The following ZCCHC4 variants were observed in gnomAD, a reference collection of about 807,000 sequenced individuals.
ZCCHC4 encodes the protein zinc finger CCHC-type containing 4, also known as rRNA N(6)-adenosine-methyltransferase ZCCHC4.
Under a neutral mutation model 67.7 loss-of-function variants are expected in ZCCHC4, and 54 were observed. That is an observed-to-expected ratio of 0.80 (90% CI 0.64 to 1.00). The LOEUF (loss-of-function observed/expected upper bound fraction) is 1.00, where lower values mean the gene tolerates loss of function less well. Among genes scored for constraint, ZCCHC4 ranks in the 50% least tolerant of loss-of-function variants. ZCCHC4 has a pLI of 0.00. For missense variants in ZCCHC4, 609 were observed against 617.0 expected (o/e 0.99, Z 0.14); for synonymous variants, 198 against 213.5 (o/e 0.93, Z 0.63).
chr4:25,360,808 T>C (rs1397332887), intron 8 of ZCCHC4, among the ~76,000 whole-genome samples: 2 of 152,160 alleles, frequency 1.3e-5, no homozygotes, highest in Non-Finnish European at 2.9e-5. Context: ...TGGGGGGGCA[T>C]GATACACAGA....
At chr4:25,349,850 A>G (rs772694044) in intron 7 of ZCCHC4, among the ~76,000 whole-genome samples, 22 of 152,102 alleles carry the variant, frequency 1.4e-4, no homozygotes, top group South Asian at 4.1e-4. Flanking sequence ...TTAATGGCTT[A>G]TAGGTAAAAT....
In ZCCHC4 at chr4:25,362,297, C is replaced by T. The variant is rs76141517; in HGVS notation, c.1205C>T (p.Ser402Phe). 1.3e-6 allele frequency: 2 copies of T among 1,596,146 alleles called. No individual in the cohort carries two copies. Among genetic ancestry groups the T allele is most frequent in the South Asian group, 1.1e-5 (1 of 87,976 alleles). ...TGTGAGCTCTGTAATTCTTGCACATCCAAGGTATGGTGTTCTTATAGAATG... is the reference window on the plus strand; with the variant it reads ...TGTGAGCTCTGTAATTCTTGCACATTCAAGGTATGGTGTTCTTATAGAATG... The part of the protein sequence containing the change: ...QHCELCNSCT[S>F]KDGRKWNHCF... The change falls in exon 10 of 13, where the codon TCC becomes TTC. Residue 402 changes from serine to phenylalanine, a missense_variant. Physicochemically the swap from Ser to Phe is radical, Grantham distance 155. Coordinates refer to ENST00000302874, the MANE Select transcript of ZCCHC4 (RefSeq NM_024936.3).
chr4:25,355,661 A>C (rs1332971884), intron 8 of ZCCHC4, among the ~76,000 whole-genome samples: 1 of 152,228 alleles, frequency 6.6e-6, no homozygotes, highest in African/African-American at 2.4e-5. Context: ...TTAGTTTCAC[A>C]GTCAGAAATG....
chr4:25,342,004 T>C (rs1719777703), intron 5 of ZCCHC4, among the ~76,000 whole-genome samples: 1 of 152,128 alleles, frequency 6.6e-6, no homozygotes, highest in Non-Finnish European at 1.5e-5. Context: ...ATATTGATAC[T>C]TTTTTTTCAT....
chr4:25,350,690 C>A (rs1720262069), intron 7 of ZCCHC4, among the ~76,000 whole-genome samples: 1 of 152,140 alleles, frequency 6.6e-6, no homozygotes, highest in African/African-American at 2.4e-5. Context: ...ACTAATAGTG[C>A]TTTGAGGGAC....
In ZCCHC4 at chr4:25,314,182, A is replaced by T. The variant is rs200547251; in HGVS notation, c.246+18A>T. On this transcript the variant is annotated intron_variant, in intron 2 of 12. Coordinates refer to ENST00000302874, the MANE Select transcript of ZCCHC4 (RefSeq NM_024936.3). ...ATGAAAAGGTATATCAACTTTTTGG[A>T]TATTTATTTTTTATTTTTGGTATGT... 1.3e-6 allele frequency: 2 copies of T among 1,517,834 alleles called. No individual in the cohort carries two copies. Among genetic ancestry groups the T allele is most frequent in the African/African-American group, 1.4e-5 (1 of 71,316 alleles). The allele number at this position is 1,517,834 out of a possible 1,614,324, so 94.0% of individuals were successfully genotyped here. A position where few individuals can be genotyped will look rare whatever the true frequency, so the allele number is the denominator to read the frequency against.
rs764582146 is a variant in ZCCHC4 at position 25,362,234 on chromosome 4, C to T, written c.1142C>T (p.Ser381Phe). ...LPTEEGYRFC[S>F]PCQRYVSLEN... ...TCTGTCCTTTACTCTAGATTTTGCT[C>T]TCCGTGTCAACGGTATGTTTCTCTA... Residue 381 changes from serine (S) to phenylalanine (F), a missense_variant, in exon 10 of 13, where the codon TCT (serine) becomes TTT (phenylalanine). Ser to Phe is a radical substitution (Grantham distance 155). Transcript: ENST00000302874. 6.2e-7 allele frequency: 1 copy of T among 1,610,568 alleles called. No individual in the cohort carries two copies. The highest frequency in any genetic ancestry group is 1.7e-5 in the Admixed American group (1 of 59,538).
At position 25,369,320 on chromosome 4, in the gene ZCCHC4, T is replaced by A. The variant is rs558468810; in HGVS notation, c.*156T>A. The A allele has an allele frequency of 9.1e-5, 84 of 923,724 alleles. No homozygotes were observed. In the South Asian group the frequency reaches 1.4e-3, roughly 15 times the overall value. 57.2% of individuals were successfully genotyped at this position (923,724 alleles called of 1,614,324 possible). A position where few individuals can be genotyped will look rare whatever the true frequency, so the allele number is the denominator to read the frequency against. On this transcript the variant is annotated 3_prime_UTR_variant, in exon 13 of 13. Transcript: ENST00000302874. ...GTGGCATTTGCTGGTTTACAGTCCC[T>A]TATCTGCCTCTCTGGAGACATGGGG...
At chr4:25,346,415 A>G (rs1244289457) in intron 6 of ZCCHC4, among the ~76,000 whole-genome samples, 1 of 152,192 alleles carries the variant, frequency 6.6e-6, no homozygotes, top group Non-Finnish European at 1.5e-5. Flanking sequence ...ATATTGTGAA[A>G]TTATCAAGAC....
At chr4:25,315,181 T>C in intron 2 of ZCCHC4, 137 bp from the exon 3 acceptor site, 2 of 684,918 alleles carry the variant, frequency 2.9e-6, no homozygotes, top group South Asian at 2.5e-5. Flanking sequence ...CAGTTTTCGC[T>C]GTTTTGTTTT....
chr4:25,324,012 G>GTTTTTTTTTTTTTTTTT (rs1250841223), intron 3 of ZCCHC4, among the ~76,000 whole-genome samples: 1 of 18,590 alleles, frequency 5.4e-5, no homozygotes, highest in Non-Finnish European at 9.6e-5. Context: ...ACTGTTTTTT[G>GTTTTTTTTTTTTTTTTT]TGTTTTTTTT....
At position 25,335,519 on chromosome 4, in the gene ZCCHC4, C is replaced by T. The variant is rs143970496; in HGVS notation, c.686+1531C>T. Among the ~76,000 whole-genome samples the T allele has an allele frequency of 0.014, 2,114 of 152,100 alleles. 94 individuals carry two copies. In the East Asian group the frequency reaches 0.15, roughly 11 times the overall value. Reference sequence around the variant, plus strand: ...CCTATGCCTGTAATCCCAGCACTTTCGGAGGCTGAGGCAGGTGGATTACTT... The same window carrying T: ...CCTATGCCTGTAATCCCAGCACTTTTGGAGGCTGAGGCAGGTGGATTACTT... On this transcript the variant is annotated intron_variant, in intron 5 of 12. Coordinates refer to ENST00000302874, the MANE Select transcript of ZCCHC4 (RefSeq NM_024936.3).
intron 8 of ZCCHC4, among the ~76,000 whole-genome samples, chr4:25,355,828 A>G (rs972558026): frequency 6.6e-6 from 1 of 152,218 alleles, no homozygotes. Context: ...ATGAGAGCTT[A>G]TGGGATATGG....
chr4:25,320,188 T>C (rs972100615), intron 3 of ZCCHC4, among the ~76,000 whole-genome samples: 1 of 152,206 alleles, frequency 6.6e-6, no homozygotes, highest in African/African-American at 2.4e-5. Context: ...TTTGCTTTTT[T>C]TTTTATAGTT....
At chr4:25,324,014 G>GTTTTTTTTTTTTTTTTT (rs71188998) in intron 3 of ZCCHC4, among the ~76,000 whole-genome samples, 1,999 of 82,318 alleles carry the variant, frequency 0.024, 464 homozygotes, top group African/African-American at 0.03. Context: ...TGTTTTTTGT[G>GTTTTTTTTTTTTTTTTT]TTTTTTTTTT....
intron 5 of ZCCHC4, among the ~76,000 whole-genome samples, chr4:25,345,112 TA>T (rs1327105308): frequency 5.3e-5 from 8 of 152,002 alleles, no homozygotes; most frequent in African/African-American, 1.7e-4. Context: ...CTGTATTAAA[TA>T]CTTAAAAAAA....
intron 8 of ZCCHC4, among the ~76,000 whole-genome samples, chr4:25,358,879 A>G (rs1720617033): frequency 6.6e-6 from 1 of 152,210 alleles, no homozygotes; most frequent in Non-Finnish European, 1.5e-5. Context: ...GCTCACTTGC[A>G]CCCAGAGAGA....
At chr4:25,320,529 C>T (rs1185971148) in intron 3 of ZCCHC4, among the ~76,000 whole-genome samples, 1 of 152,126 alleles carries the variant, frequency 6.6e-6, no homozygotes, top group Admixed American at 6.5e-5. Flanking sequence ...TCATGCTGAG[C>T]CATGCAGCAG....
chr4:25,333,146 T>C, intron 3 of ZCCHC4, 37 bp from the exon 4 acceptor site: 1 of 1,585,010 alleles, frequency 6.3e-7, no homozygotes, highest in South Asian at 1.1e-5. Context: ...ACAATAAACT[T>C]AAAATATATT....
Sources: gnomAD v4.1 joint callset for allele counts (sites outside exome capture counted in the v4.1 genomes callset) on GRCh38, gnomAD v4.1.1 for gene constraint, MANE v1.5 for transcripts, NCBI Gene and HGNC (gene_info 2026-07-23, HGNC 2026-07-21) for gene names.